SH3GLB1: variants seen among roughly 807,000 people sequenced by gnomAD.
SH3GLB1 encodes the protein endophilin-B1.
In SH3GLB1, 17 loss-of-function variants were observed where a neutral mutation model predicts 42.0. The ratio of observed to expected loss-of-function variants is 0.40; its 90% CI spans 0.28 to 0.61. The LOEUF is 0.61. Among genes scored for constraint, SH3GLB1 ranks in the 20% least tolerant of loss-of-function variants. SH3GLB1 has a pLI of 0.36. For missense variants in SH3GLB1, 355 were observed against 426.3 expected (o/e 0.83, Z 1.47); for synonymous variants, 132 against 146.6 (o/e 0.90, Z 0.72).
At chr1:86,709,357 T>C (rs1443628895) in intron 1 of SH3GLB1, among the ~76,000 whole-genome samples, 1 of 152,250 alleles carries the variant, frequency 6.6e-6, no homozygotes. Context: ...TAAATAACAG[T>C]ATCTTTATTA....
chr1:86,735,305 T>G, intron 7 of SH3GLB1, 126 bp downstream of exon 7: 1 of 577,030 alleles, frequency 1.7e-6, no homozygotes, highest in Non-Finnish European at 3.0e-6. Flanking sequence ...TTTCTTTTTT[T>G]TAAGGAAAGT....
intron 7 of SH3GLB1, among the ~76,000 whole-genome samples, 192 bp downstream of exon 7, chr1:86,735,371 T>C (rs1267417402): frequency 6.6e-6 from 1 of 152,204 alleles, no homozygotes; most frequent in Non-Finnish European, 1.5e-5. Flanking sequence ...CACAGAGGCA[T>C]GTTAACAGGG....
rs1319133793 is a variant in SH3GLB1 at position 86,722,678 on chromosome 1, GT to G, written c.477+7del. On this transcript the variant is annotated splice_donor_region_variant and intron_variant, in intron 4 of 8. Transcript: ENST00000370558. ...GGAGATTACAAAACAATTGCTGTGA[GT>G]TGAAAAATGTCCCCTTTATTTAGTA... is the stretch of plus-strand genomic sequence containing the variant. 1 of 1,584,154 alleles carries G rather than the reference GT, an allele frequency of 6.3e-7. No homozygotes were observed. The highest frequency in any genetic ancestry group is 1.4e-5 in the African/African-American group (1 of 73,076).
chr1:86,737,010 C>T (rs777086234), intron 7 of SH3GLB1, among the ~76,000 whole-genome samples: 13 of 152,194 alleles, frequency 8.5e-5, no homozygotes, highest in Non-Finnish European at 1.6e-4. Context: ...AACTGAATAA[C>T]AGCCATCACT....
intron 1 of SH3GLB1, among the ~76,000 whole-genome samples, chr1:86,709,358 A>G (rs1245606133): frequency 6.6e-6 from 1 of 152,250 alleles, no homozygotes; most frequent in Non-Finnish European, 1.5e-5. Flanking sequence ...AAATAACAGT[A>G]TCTTTATTAG....
At position 86,743,319 on chromosome 1, in the gene SH3GLB1, C is replaced by A; in HGVS notation, c.*84C>A. 2.3e-6 allele frequency: 2 copies of A among 861,602 alleles called. No homozygotes were observed. Among genetic ancestry groups the A allele is most frequent in the Non-Finnish European group, 3.4e-6 (2 of 582,268 alleles). The allele number at this position is 861,602 out of a possible 1,614,324, so 53.4% of individuals were successfully genotyped here. A position where few individuals can be genotyped will look rare whatever the true frequency, so the allele number is the denominator to read the frequency against. ...TAAATAAAGCAGGTTAAGTATCTTC[C>A]ATGTTAATGTGTTAAGAGACTGAAA... On this transcript the variant is annotated 3_prime_UTR_variant, in exon 9 of 9. Coordinates refer to ENST00000370558, the MANE Select transcript of SH3GLB1 (RefSeq NM_016009.5).
chr1:86,713,348 C>T (rs1173930214), intron 1 of SH3GLB1, among the ~76,000 whole-genome samples: 1 of 152,084 alleles, frequency 6.6e-6, no homozygotes, highest in Non-Finnish European at 1.5e-5. Context: ...TCCCAAAGTG[C>T]TGACATTACA....
intron 2 of SH3GLB1, 37 bp downstream of exon 2, chr1:86,715,902 T>C: frequency 6.4e-7 from 1 of 1,567,300 alleles, no homozygotes; most frequent in East Asian, 2.3e-5. Context: ...TTAAGTACTA[T>C]TAGTGGGTTT....
chr1:86,706,540 A>T (rs1272907671), intron 1 of SH3GLB1, among the ~76,000 whole-genome samples: 1 of 152,208 alleles, frequency 6.6e-6, no homozygotes, highest in African/African-American at 2.4e-5. Context: ...CTAGCTTCTA[A>T]TAGTTCAAAG....
At chr1:86,721,647 TTAAGA>T (rs1385556305) in intron 3 of SH3GLB1, among the ~76,000 whole-genome samples, 1 of 152,186 alleles carries the variant, frequency 6.6e-6, no homozygotes, top group East Asian at 1.9e-4. Flanking sequence ...ATTTTTTAAC[TTAAGA>T]TATCACTATG....
intron 7 of SH3GLB1, among the ~76,000 whole-genome samples, chr1:86,741,642 G>A (rs1472077259): frequency 6.6e-6 from 1 of 152,106 alleles, no homozygotes; most frequent in Non-Finnish European, 1.5e-5. Flanking sequence ...TAAGGGAATA[G>A]TATCATTTCA....
intron 1 of SH3GLB1, among the ~76,000 whole-genome samples, chr1:86,709,255 A>G (rs1397334463): frequency 2.0e-5 from 3 of 152,338 alleles, no homozygotes; most frequent in African/African-American, 7.2e-5. Context: ...CTCTTACAAC[A>G]TCTAACATGG....
At chr1:86,736,141 A>G (rs754253540) in intron 7 of SH3GLB1, among the ~76,000 whole-genome samples, 5 of 152,220 alleles carry the variant, frequency 3.3e-5, no homozygotes, top group Non-Finnish European at 7.4e-5. Context: ...CAAGAATGGA[A>G]TGGTAGATGA....
chr1:86,716,282 G>A (rs141963706), intron 2 of SH3GLB1, among the ~76,000 whole-genome samples: 2,788 of 151,198 alleles, frequency 0.018, 41 homozygotes, highest in African/African-American at 0.029. Flanking sequence ...TTGTTTGTTT[G>A]TTTGTTTTTT....
chr1:86,735,264 T>C, intron 7 of SH3GLB1, 85 bp downstream of exon 7: 1 of 830,828 alleles, frequency 1.2e-6, no homozygotes, highest in Admixed American at 2.2e-5. Flanking sequence ...TTAGAGCAAT[T>C]AAAGGTTCTT....
At chr1:86,720,480 C>T (rs949590536) in intron 3 of SH3GLB1, among the ~76,000 whole-genome samples, 2 of 152,154 alleles carry the variant, frequency 1.3e-5, no homozygotes, top group East Asian at 1.9e-4. Context: ...TAGTTACACT[C>T]GCTTTATTAG....
intron 5 of SH3GLB1, among the ~76,000 whole-genome samples, chr1:86,728,140 G>T (rs1360784105): frequency 6.6e-6 from 1 of 151,882 alleles, no homozygotes; most frequent in Non-Finnish European, 1.5e-5. Flanking sequence ...TTTTAAAAAT[G>T]ATACATTTTC....
chr1:86,713,543 C>G (rs1654334313), intron 1 of SH3GLB1, among the ~76,000 whole-genome samples: 1 of 152,160 alleles, frequency 6.6e-6, no homozygotes, highest in Non-Finnish European at 1.5e-5. Flanking sequence ...GATAAATCAT[C>G]AGGACTATAC....
chr1:86,720,435 C>T lies in SH3GLB1; in HGVS notation c.343+800C>T, dbSNP rs550053007. 7.9e-5 allele frequency among the ~76,000 whole-genome samples: 12 copies of T among 152,228 alleles called. No individual in the cohort carries two copies. The East Asian group carries it at 2.3e-3, about 29-fold the overall frequency. On this transcript the variant is annotated intron_variant, in intron 3 of 8. Transcript: ENST00000370558. ...TGGATTACATTTCATTTCTGTTTTT[C>T]TCTTATGTATTTCAAATTTTCTATA...
Sources: gnomAD v4.1 joint callset for allele counts (sites outside exome capture counted in the v4.1 genomes callset) on GRCh38, gnomAD v4.1.1 for gene constraint, MANE v1.5 for transcripts, NCBI Gene and HGNC (gene_info 2026-07-23, HGNC 2026-07-21) for gene names.